The following DAB1 variants were observed in gnomAD, a reference collection of about 807,000 sequenced individuals.
DAB1 encodes the protein DAB adaptor protein 1, also known as disabled homolog 1.
DAB1 carries 15 observed loss-of-function variants against 64.6 expected under a neutral mutation model. The observed-to-expected ratio is 0.23, with a 90% CI of 0.16 to 0.36. The LOEUF is 0.36. DAB1 is among the 10% of genes least tolerant of loss of function. The pLI is 1.00. For missense variants in DAB1, 596 were observed against 706.7 expected (o/e 0.84, Z 1.78); for synonymous variants, 235 against 251.9 (o/e 0.93, Z 0.64).
intron 4 of DAB1, among the ~76,000 whole-genome samples, chr1:58,245,656 A>G (rs1660494614): frequency 6.6e-6 from 1 of 152,120 alleles, no homozygotes; most frequent in Non-Finnish European, 1.5e-5. Flanking sequence ...TGACCTGACC[A>G]ATTTACGTAA....
intron 5 of DAB1, among the ~76,000 whole-genome samples, chr1:57,909,674 AT>A (rs1196681265): frequency 8.5e-5 from 13 of 152,232 alleles, no homozygotes; most frequent in African/African-American, 2.7e-4. Context: ...AAGAAAAAAA[AT>A]ATTGCAGGTT....
chr1:57,646,442 G>T (rs1241614173), intron 7 of DAB1, among the ~76,000 whole-genome samples: 1 of 152,154 alleles, frequency 6.6e-6, no homozygotes, highest in South Asian at 2.1e-4. Context: ...CTGAGTACAT[G>T]CTGGTGCACA....
At chr1:57,069,546 C>T in intron 7 of DAB1, 121 bp from the exon 8 acceptor site, 1 of 749,944 alleles carries the variant, frequency 1.3e-6, no homozygotes, top group Non-Finnish European at 2.3e-6. Context: ...CAAGAGAAAA[C>T]ACCTTAAAGA....
intron 5 of DAB1, among the ~76,000 whole-genome samples, chr1:58,104,888 G>A (rs1158424254): frequency 1.3e-5 from 2 of 151,948 alleles, no homozygotes; most frequent in African/African-American, 4.8e-5. Flanking sequence ...AATGGGATGT[G>A]GAAATTATTC....
At chr1:58,211,757 G>A (rs550162777) in intron 4 of DAB1, among the ~76,000 whole-genome samples, 12 of 152,230 alleles carry the variant, frequency 7.9e-5, no homozygotes, top group African/African-American at 2.4e-4. Flanking sequence ...CTGAGACAAC[G>A]AGAGATGAAA....
intron 4 of DAB1, among the ~76,000 whole-genome samples, chr1:58,256,638 G>T (rs542511): frequency 0.69 from 105,617 of 152,062 alleles, 38,279 homozygotes; most frequent in African/African-American, 0.9. Flanking sequence ...CACAATGTTA[G>T]TTTAGCACCA....
chr1:58,486,554 T>C (rs1373524547), intron 3 of DAB1, among the ~76,000 whole-genome samples: 2 of 152,202 alleles, frequency 1.3e-5, no homozygotes, highest in East Asian at 3.8e-4. Context: ...TTAACTAATA[T>C]TCACTAATCA....
At position 57,269,956 on chromosome 1, in the gene DAB1, G is replaced by A. The variant is rs115433554; in HGVS notation, c.67+21008C>T. 8.2e-3 allele frequency among the ~76,000 whole-genome samples: 1,244 copies of A among 152,302 alleles called. 12 individuals carry two copies. Among genetic ancestry groups the A allele is most frequent in the Non-Finnish European group, 0.013 (893 of 68,040 alleles). On this transcript the variant is annotated intron_variant, in intron 2 of 14. Coordinates refer to ENST00000371236, the MANE Select transcript of DAB1 (RefSeq NM_001365792.1). ...TTTGGTCACGAGAATTACAAAAGTC[G>A]ATCTACTGAAAAGAACAGCTTGCTA... is the stretch of plus-strand genomic sequence containing the variant.
intron 7 of DAB1, among the ~76,000 whole-genome samples, chr1:57,449,615 G>A (rs1490570912): frequency 6.6e-6 from 1 of 152,082 alleles, no homozygotes; most frequent in Non-Finnish European, 1.5e-5. Context: ...CTGGCCTCAA[G>A]AAATCCTCCT....
chr1:57,512,911 G>T (rs1171838438), intron 7 of DAB1, among the ~76,000 whole-genome samples: 2 of 152,174 alleles, frequency 1.3e-5, no homozygotes, highest in African/African-American at 4.8e-5. Context: ...TGGTGCAAAT[G>T]GAGCCTCTCT....
intron 5 of DAB1, among the ~76,000 whole-genome samples, chr1:57,932,273 T>A (rs1644964084): frequency 6.6e-6 from 1 of 152,224 alleles, no homozygotes; most frequent in Non-Finnish European, 1.5e-5. Flanking sequence ...TCTTGGTAAA[T>A]GTTTTATGTG....
At chr1:58,473,827 C>T (rs1276489971) in intron 3 of DAB1, 1 of 584,154 alleles carries the variant, frequency 1.7e-6, no homozygotes, top group Non-Finnish European at 3.0e-6. Flanking sequence ...GCCAAGCACA[C>T]TTCCCAAGAC....
chr1:57,146,250 G>A lies in DAB1; in HGVS notation c.68-821C>T, dbSNP rs113032793. 9.9e-3 allele frequency among the ~76,000 whole-genome samples: 1,506 copies of A among 152,324 alleles called. 30 individuals are homozygous for A. The highest frequency in any genetic ancestry group is 0.034 in the African/African-American group (1,417 of 41,570). Reference sequence around the variant, plus strand: ...AGATGATGAAGTCGAAGGTCACAGAGTTTAGGTAGCTTGCCCAAGTAAACA... The same window carrying A: ...AGATGATGAAGTCGAAGGTCACAGAATTTAGGTAGCTTGCCCAAGTAAACA... On this transcript the variant is annotated intron_variant, in intron 2 of 14. Transcript: ENST00000371236.
chr1:57,170,616 C>T (rs1287413191), intron 2 of DAB1, among the ~76,000 whole-genome samples: 1 of 152,120 alleles, frequency 6.6e-6, no homozygotes, highest in Non-Finnish European at 1.5e-5. Context: ...CAGCTAGAAG[C>T]TTGGCAGGTG....
intron 7 of DAB1, among the ~76,000 whole-genome samples, chr1:57,575,498 A>G (rs1645239666): frequency 2.0e-5 from 3 of 152,214 alleles, no homozygotes. Context: ...CTGAAAGCAG[A>G]TACTAGAGAA....
intron 3 of DAB1, among the ~76,000 whole-genome samples, chr1:58,356,013 C>T (rs1355911874): frequency 6.6e-6 from 1 of 152,206 alleles, no homozygotes; most frequent in Non-Finnish European, 1.5e-5. Context: ...AACCACAGTA[C>T]TCCTCCCAAG....
At chr1:57,889,104 T>G (rs960273042) in intron 5 of DAB1, among the ~76,000 whole-genome samples, 6 of 152,234 alleles carry the variant, frequency 3.9e-5, no homozygotes, top group African/African-American at 1.4e-4. Context: ...TTTCACGAGC[T>G]TGAGTTTCCT....
intron 5 of DAB1, among the ~76,000 whole-genome samples, chr1:58,042,663 C>G (rs1325452): frequency 0.46 from 69,640 of 151,994 alleles, 16,208 homozygotes; most frequent in African/African-American, 0.52. Context: ...GATACTCTAG[C>G]GGGGACAGCA....
intron 3 of DAB1, among the ~76,000 whole-genome samples, chr1:58,385,254 T>C (rs1382914674): frequency 6.6e-6 from 1 of 152,168 alleles, no homozygotes; most frequent in Non-Finnish European, 1.5e-5. Context: ...TGTATACCCA[T>C]TATGCCTCAA....
Sources: allele counts gnomAD v4.1 joint callset (sites outside exome capture counted in the v4.1 genomes callset), GRCh38; gene constraint gnomAD v4.1.1; transcripts MANE v1.5; gene names NCBI Gene and HGNC (gene_info 2026-07-23, HGNC 2026-07-21).